Variants in ARHGAP15 observed in about 807,000 individuals in gnomAD.
ARHGAP15 encodes the protein rho GTPase-activating protein 15.
A neutral mutation model predicts 63.7 loss-of-function variants in ARHGAP15; 51 were observed. That is an observed-to-expected ratio of 0.80 (90% CI 0.64 to 1.01). ARHGAP15 has a LOEUF of 1.01. ARHGAP15 is among the 50% of genes least tolerant of loss of function. ARHGAP15 has a pLI of 0.00. For missense variants in ARHGAP15, 560 were observed against 564.6 expected, an observed-to-expected ratio of 0.99 and a Z score of 0.08; for synonymous variants, 191 against 193.8, an observed-to-expected ratio of 0.99 and a Z score of 0.12.
rs570922639 is a variant in ARHGAP15, at chr2:143,646,272, A to G, written c.1138+22005A>G. Among the ~76,000 whole-genome samples the G allele has an allele frequency of 2.0e-5, 3 of 152,194 alleles. No homozygotes were observed. The South Asian group carries it at 6.2e-4, about 32-fold the overall frequency. ...ATGACACTCTTGATGGAGTTGTTTCATATGAAAGAAGAAGGTGGAATGCAA... is the reference window on the plus strand; with the variant it reads ...ATGACACTCTTGATGGAGTTGTTTCGTATGAAAGAAGAAGGTGGAATGCAA... On this transcript the variant is annotated intron_variant, in intron 12 of 13. Transcript: ENST00000295095.
In ARHGAP15 at chr2:143,747,099, A is replaced by G. The variant is rs576247323; in HGVS notation, c.1245-20890A>G. Among the ~76,000 whole-genome samples the G allele has an allele frequency of 3.9e-5, 6 of 152,172 alleles. No individual in the cohort carries two copies. The South Asian group carries it at 1.2e-3, about 32-fold the overall frequency. On this transcript the variant is annotated intron_variant, in intron 13 of 13. Transcript: ENST00000295095. ...CTGTCAGGGGGTGGGGAGAAAGGGG[A>G]GGAAGAGCATTAGGACAAATACCTA...
At chr2:143,728,133 T>C (rs933722053) in intron 13 of ARHGAP15, among the ~76,000 whole-genome samples, 3 of 152,182 alleles carry the variant, frequency 2.0e-5, no homozygotes, top group Admixed American at 6.5e-5. Flanking sequence ...AGGCTGGAAG[T>C]CCAAGGTCAA....
chr2:143,271,868 G>A lies in ARHGAP15; in HGVS notation c.474+21268G>A, dbSNP rs142981638. 2.8e-4 allele frequency among the ~76,000 whole-genome samples: 43 copies of A among 152,244 alleles called. No individual in the cohort carries two copies. The East Asian group carries it at 8.3e-3, about 29-fold the overall frequency. On this transcript the variant is annotated intron_variant, in intron 6 of 13. Transcript: ENST00000295095. The stretch of plus-strand genomic sequence containing the variant: ...AAGGAAAATCGATGTGTCAAATATC[G>A]TTTTCCATGTTCTGCTCATTAAAAG...
Position 143,768,190 on chromosome 2 carries a change from T to G in ARHGAP15, c.*18T>G. On this transcript the variant is annotated 3_prime_UTR_variant, in exon 14 of 14. Coordinates refer to ENST00000295095, the MANE Select transcript of ARHGAP15 (RefSeq NM_018460.4). ...AAGACTGACAGACAAGACAAGCTAC[T>G]GAATACGTTCACATCTGTCTTGATG... 6.2e-7 allele frequency: 1 copy of G among 1,609,104 alleles called. No individual in the cohort carries two copies. Among genetic ancestry groups the G allele is most frequent in the Non-Finnish European group, 8.5e-7 (1 of 1,176,712 alleles).
chr2:143,390,435 G>T (rs768742573), intron 6 of ARHGAP15, among the ~76,000 whole-genome samples: 13 of 152,084 alleles, frequency 8.5e-5, no homozygotes, highest in Non-Finnish European at 1.6e-4. Context: ...CAGGCCTCAC[G>T]GGGAGGCCTG....
At chr2:143,609,980 G>A (rs1307025883) in intron 11 of ARHGAP15, among the ~76,000 whole-genome samples, 1 of 152,154 alleles carries the variant, frequency 6.6e-6, no homozygotes, top group African/African-American at 2.4e-5. Context: ...AAGAAGTGGT[G>A]GGATTGGGCC....
chr2:143,145,574 C>T (rs750342380), intron 1 of ARHGAP15, among the ~76,000 whole-genome samples: 3 of 152,030 alleles, frequency 2.0e-5, no homozygotes, highest in Non-Finnish European at 4.4e-5. Flanking sequence ...GTATTCCCCA[C>T]CCTGTCAGAT....
chr2:143,498,148 A>G (rs1455346761), intron 9 of ARHGAP15, among the ~76,000 whole-genome samples: 2 of 152,210 alleles, frequency 1.3e-5, no homozygotes, highest in East Asian at 3.8e-4. Context: ...AACATTTCAT[A>G]AATTTCTAAG....
chr2:143,632,175 T>G (rs910567751), intron 12 of ARHGAP15, among the ~76,000 whole-genome samples: 1 of 152,056 alleles, frequency 6.6e-6, no homozygotes, highest in African/African-American at 2.4e-5. Flanking sequence ...AAAAATAACT[T>G]TTCCTCCCAC....
chr2:143,496,321 A>T (rs1692813682), intron 9 of ARHGAP15, among the ~76,000 whole-genome samples: 1 of 152,192 alleles, frequency 6.6e-6, no homozygotes, highest in African/African-American at 2.4e-5. Flanking sequence ...CCTGTTGTGC[A>T]CACAGGAAAC....
At chr2:143,295,080 A>T (rs556332452) in intron 6 of ARHGAP15, among the ~76,000 whole-genome samples, 1 of 152,176 alleles carries the variant, frequency 6.6e-6, no homozygotes, top group African/African-American at 2.4e-5. Context: ...TGGGGCTGTG[A>T]ATATATTTCC....
intron 6 of ARHGAP15, among the ~76,000 whole-genome samples, chr2:143,352,881 T>C (rs560161622): frequency 6.6e-6 from 1 of 152,330 alleles, no homozygotes; most frequent in African/African-American, 2.4e-5. Context: ...TACTGAGTTG[T>C]AAATAAATCT....
intron 5 of ARHGAP15, among the ~76,000 whole-genome samples, chr2:143,234,729 C>G (rs1479136406): frequency 6.6e-6 from 1 of 152,136 alleles, no homozygotes; most frequent in Admixed American, 6.5e-5. Flanking sequence ...CTTTATAACA[C>G]TTTGGCCAGG....
intron 6 of ARHGAP15, among the ~76,000 whole-genome samples, chr2:143,330,132 C>CA (rs367621500): frequency 4.1e-5 from 2 of 48,932 alleles, no homozygotes; most frequent in East Asian, 9.0e-4. Context: ...AAAAAAAAAA[C>CA]CAAAAACAAA....
chr2:143,666,999 G>A (rs1216798100), intron 12 of ARHGAP15, among the ~76,000 whole-genome samples: 13 of 142,760 alleles, frequency 9.1e-5, no homozygotes, highest in African/African-American at 2.7e-4. Context: ...AACCATTGTG[G>A]AAGTCAGTGT....
intron 10 of ARHGAP15, among the ~76,000 whole-genome samples, chr2:143,529,502 C>T (rs1431694084): frequency 6.6e-6 from 1 of 152,052 alleles, no homozygotes; most frequent in East Asian, 1.9e-4. Context: ...TAGAATCCTC[C>T]AATGATTCAT....
At chr2:143,385,268 T>C (rs1687228040) in intron 6 of ARHGAP15, among the ~76,000 whole-genome samples, 1 of 152,096 alleles carries the variant, frequency 6.6e-6, no homozygotes, top group African/African-American at 2.4e-5. Flanking sequence ...CATGTACAAC[T>C]CATGAAGACA....
intron 6 of ARHGAP15, among the ~76,000 whole-genome samples, chr2:143,259,378 T>A (rs1436276719): frequency 6.6e-6 from 1 of 152,128 alleles, no homozygotes; most frequent in African/African-American, 2.4e-5. Flanking sequence ...AAATAAATAT[T>A]TGGAGGGGGC....
At chr2:143,622,478 T>C (rs1196411482) in intron 11 of ARHGAP15, among the ~76,000 whole-genome samples, 1 of 152,154 alleles carries the variant, frequency 6.6e-6, no homozygotes, top group Admixed American at 6.5e-5. Context: ...TGTTAACAGT[T>C]GACTGTTTAA....
Sources: gnomAD v4.1 joint callset for allele counts (sites outside exome capture counted in the v4.1 genomes callset) on GRCh38, gnomAD v4.1.1 for gene constraint, MANE v1.5 for transcripts, NCBI Gene and HGNC (gene_info 2026-07-23, HGNC 2026-07-21) for gene names.